The following MYO3A variants were observed in gnomAD, a reference collection of about 807,000 sequenced individuals.
The protein encoded by MYO3A is myosin IIIA, also known as myosin-IIIa.
Under a neutral mutation model 192.7 loss-of-function variants are expected in MYO3A, and 180 were observed. That is an observed-to-expected ratio of 0.93 (90% confidence interval 0.83 to 1.06). The LOEUF (loss-of-function observed/expected upper bound fraction) is 1.06, where lower values mean the gene tolerates loss of function less well. MYO3A is among the 50% of genes least tolerant of loss of function. The pLI, the probability that MYO3A is intolerant of heterozygous loss-of-function variation, is 0.00. For synonymous variants in MYO3A, 628 were observed against 645.3 expected (o/e 0.97, Z 0.41); for missense variants, 1,896 against 1,905.0 (o/e 1.00, Z 0.09).
intron 14 of MYO3A, among the ~76,000 whole-genome samples, chr10:26,070,726 A>T (rs12765561): frequency 0.47 from 71,990 of 151,746 alleles, 17,857 homozygotes; most frequent in Middle Eastern, 0.59. Flanking sequence ...AGAGTCAACA[A>T]ACAAAAATCA....
intron 4 of MYO3A, among the ~76,000 whole-genome samples, chr10:25,962,783 A>G (rs1404520561): frequency 6.6e-6 from 1 of 152,172 alleles, no homozygotes; most frequent in Non-Finnish European, 1.5e-5. Context: ...GGGAGACCGT[A>G]AAACAGAATC....
chr10:26,173,877 T>C lies in MYO3A; in HGVS notation c.3613T>C (p.Tyr1205His). The C allele has an allele frequency of 6.2e-7, 1 of 1,614,010 alleles. No homozygotes were observed. Among genetic ancestry groups the C allele is most frequent in the Non-Finnish European group, 8.5e-7 (1 of 1,180,016 alleles). Residue 1205 changes from tyrosine (Y) to histidine (H), a missense_variant, in exon 30 of 35, where the codon TAC (tyrosine) becomes CAC (histidine). Physicochemically the swap from Tyr to His is moderately conservative, Grantham distance 83. Transcript: ENST00000642920. ...TGAGGAAGAGGTTAAGCAAGAATTC[T>C]ACCTTGTAGGGCCAGAAGTAAGCCC... ...VYEEEVKQEF[Y>H]LVGPEVSPKQ... is the part of the protein sequence containing the mutation.
intron 6 of MYO3A, among the ~76,000 whole-genome samples, chr10:26,002,524 T>A (rs970307556): frequency 1.3e-5 from 2 of 151,442 alleles, no homozygotes; most frequent in African/African-American, 4.9e-5. Flanking sequence ...TTAAAGAGAG[T>A]GATGGGGTAA....
intron 31 of MYO3A, among the ~76,000 whole-genome samples, chr10:26,187,244 A>AC (rs1842908897): frequency 1.3e-5 from 2 of 152,226 alleles, no homozygotes; most frequent in African/African-American, 4.8e-5. Context: ...TATTTAAAAA[A>AC]AAAAATTCAC....
intron 31 of MYO3A, 45 bp downstream of exon 31, chr10:26,176,890 C>A: frequency 6.3e-7 from 1 of 1,597,028 alleles, no homozygotes; most frequent in Non-Finnish European, 8.6e-7. Flanking sequence ...GAAGGAAATG[C>A]CAGATACTTT....
intron 8 of MYO3A, chr10:26,023,343 A>G (rs1842399593): frequency 6.6e-6 from 1 of 152,360 alleles, no homozygotes; most frequent in African/African-American, 2.4e-5. Context: ...TTCAACTATC[A>G]TGGTTGATCA....
At chr10:25,956,811 G>T (rs1478084501) in intron 4 of MYO3A, among the ~76,000 whole-genome samples, 2 of 152,004 alleles carry the variant, frequency 1.3e-5, no homozygotes, top group Middle Eastern at 3.4e-3. Context: ...GTGTCACAGG[G>T]TTTGTTGTAC....
chr10:26,103,287 C>T (rs938140016), intron 17 of MYO3A, among the ~76,000 whole-genome samples: 1 of 152,212 alleles, frequency 6.6e-6, no homozygotes, highest in African/African-American at 2.4e-5. Context: ...TACCATCTGT[C>T]ACGGCTTCCC....
chr10:26,103,241 C>T (rs1837583700), intron 17 of MYO3A, among the ~76,000 whole-genome samples: 1 of 152,206 alleles, frequency 6.6e-6, no homozygotes, highest in African/African-American at 2.4e-5. Flanking sequence ...ATTGGAAAAG[C>T]ACAGTATTAG....
chr10:26,071,495 A>C (rs1182234103), intron 14 of MYO3A, among the ~76,000 whole-genome samples: 3 of 152,200 alleles, frequency 2.0e-5, no homozygotes, highest in African/African-American at 7.2e-5. Flanking sequence ...TCTTAGATTC[A>C]ACACAAAATG....
At chr10:26,057,746 G>T (rs1291258742) in intron 10 of MYO3A, among the ~76,000 whole-genome samples, 1 of 152,204 alleles carries the variant, frequency 6.6e-6, no homozygotes, top group African/African-American at 2.4e-5. Flanking sequence ...ATTAGTCAGT[G>T]CCCTGGAAGC....
chr10:26,161,392 C>G (rs1464236783), intron 26 of MYO3A, among the ~76,000 whole-genome samples: 1 of 152,180 alleles, frequency 6.6e-6, no homozygotes, highest in Admixed American at 6.5e-5. Flanking sequence ...TTCAAAGGAA[C>G]CCTTACGCTA....
intron 31 of MYO3A, among the ~76,000 whole-genome samples, chr10:26,183,906 C>T (rs146989629): frequency 1.2e-4 from 19 of 152,196 alleles, no homozygotes; most frequent in African/African-American, 3.9e-4. Flanking sequence ...CCAGAGTAGA[C>T]GCAAGAGGTC....
chr10:26,005,296 C>T (rs1387098882), intron 6 of MYO3A, among the ~76,000 whole-genome samples: 1 of 151,758 alleles, frequency 6.6e-6, no homozygotes, highest in Non-Finnish European at 1.5e-5. Context: ...GTCTATAGAA[C>T]AACTGGCCTG....
rs1564411584 is a variant in MYO3A at position 25,965,958 on chromosome 10, T to TC, written c.303+10950_303+10951insC. Reference sequence around the variant, plus strand: ...TAGGTGATTCAGAACTGTTTTTTTTTTTCTCTCTCTCTCTCTCTCTCTTCA... The same window carrying TC: ...TAGGTGATTCAGAACTGTTTTTTTTTCTTCTCTCTCTCTCTCTCTCTCTTCA... On this transcript the variant is annotated intron_variant, in intron 4 of 34. Transcript: ENST00000642920. 1.1e-4 allele frequency among the ~76,000 whole-genome samples: 16 copies of TC among 148,554 alleles called. 1 individual carries two copies. The Middle Eastern group carries it at 0.01, about 96-fold the overall frequency.
chr10:25,997,121 C>G (rs759647486), intron 5 of MYO3A, 38 bp from the exon 6 acceptor site: 8 of 1,521,904 alleles, frequency 5.3e-6, no homozygotes, highest in Non-Finnish European at 6.4e-6. Flanking sequence ...TTGTTTGATG[C>G]TTTTGTTAAG....
chr10:26,120,699 A>G lies in MYO3A; in HGVS notation c.1800A>G (p.Ile600Met). 5 of 1,614,020 alleles carry G rather than the reference A, an allele frequency of 3.1e-6. No homozygotes were observed. The highest frequency in any genetic ancestry group is 4.2e-6 in the Non-Finnish European group (5 of 1,179,976). The part of the protein sequence containing the change: ...TMEQLGSIYS[I>M]LAAILNVGNI... ...AGCAACTTGGTAGTATATACAGCAT[A>G]CTCGCTGCAATCTTGAATGTTGGCA... The change falls in exon 18 of 35, where the codon ATA becomes ATG. Residue 600 changes from isoleucine (I) to methionine (M), a missense_variant. Physicochemically the swap from Ile to Met is conservative, Grantham distance 10. Transcript: ENST00000642920.
At chr10:25,996,682 T>A in intron 5 of MYO3A, 88 bp downstream of exon 5, 1 of 979,752 alleles carries the variant, frequency 1.0e-6, no homozygotes, top group Non-Finnish European at 1.6e-6. Flanking sequence ...ATGTCACTAG[T>A]GATACTACAT....
Sources: allele counts gnomAD v4.1 joint callset (sites outside exome capture counted in the v4.1 genomes callset), GRCh38; gene constraint gnomAD v4.1.1; transcripts MANE v1.5; gene names NCBI Gene and HGNC (gene_info 2026-07-23, HGNC 2026-07-21).